The following KIF15 variants were observed in gnomAD, a reference collection of about 807,000 sequenced individuals.
KIF15 encodes the protein kinesin family member 15.
A neutral mutation model predicts 190.6 loss-of-function variants in KIF15; 140 were observed. The observed-to-expected ratio is 0.73, with a 90% CI of 0.64 to 0.84. The LOEUF (loss-of-function observed/expected upper bound fraction) is 0.84. KIF15 is among the 40% of genes least tolerant of loss of function. The pLI, the probability that KIF15 is intolerant of heterozygous loss-of-function variation, is 0.00. For missense variants in KIF15, 1,372 were observed against 1,584.4 expected (o/e 0.87, Z 2.28); for synonymous variants, 528 against 551.3 (o/e 0.96, Z 0.59).
chr3:44,799,253 AG>A (rs577900503), intron 10 of KIF15: 14 of 456,712 alleles, frequency 3.1e-5, no homozygotes, highest in South Asian at 1.4e-4. Context: ...AACACACAAA[AG>A]AACAAAACCA....
Position 44,840,511 on chromosome 3 carries a change from A to G in KIF15, c.3420+55A>G. On this transcript the variant is annotated intron_variant, in intron 28 of 34. Transcript: ENST00000326047. ...GGAAGAAACAGTTTTGTAAATGATAAAAATTTGGAAATTAGGAAGAACATA... is the reference window on the plus strand; with the variant it reads ...GGAAGAAACAGTTTTGTAAATGATAGAAATTTGGAAATTAGGAAGAACATA... 2.4e-6 allele frequency: 3 copies of G among 1,272,360 alleles called. No homozygotes were observed. In the South Asian group the frequency reaches 3.9e-5, roughly 17 times the overall value. 78.8% of individuals were successfully genotyped at this position (1,272,360 alleles called of 1,614,324 possible).
chr3:44,845,255 G>C (rs1435345751), intron 30 of KIF15, among the ~76,000 whole-genome samples: 1 of 152,188 alleles, frequency 6.6e-6, no homozygotes, highest in Non-Finnish European at 1.5e-5. Flanking sequence ...AACTTTGGTG[G>C]TGGTCATGGA....
At chr3:44,790,200 C>T (rs942182390) in intron 7 of KIF15, among the ~76,000 whole-genome samples, 4 of 150,258 alleles carry the variant, frequency 2.7e-5, no homozygotes, top group Non-Finnish European at 4.4e-5. Context: ...TTTTTTGAGA[C>T]GGAGTCTCAC....
chr3:44,850,553 C>G (rs1699025107), intron 32 of KIF15, among the ~76,000 whole-genome samples: 1 of 152,184 alleles, frequency 6.6e-6, no homozygotes, highest in Admixed American at 6.5e-5. Flanking sequence ...GCAAGTGAAG[C>G]ACACTTCAGC....
At chr3:44,811,685 A>C (rs1254971659) in intron 17 of KIF15, among the ~76,000 whole-genome samples, 1 of 152,202 alleles carries the variant, frequency 6.6e-6, no homozygotes, top group African/African-American at 2.4e-5. Context: ...TATAGATCAA[A>C]TTTTAGACAG....
intron 7 of KIF15, among the ~76,000 whole-genome samples, chr3:44,794,006 G>A (rs1965379): frequency 0.6 from 90,339 of 151,278 alleles, 27,451 homozygotes; most frequent in East Asian, 0.88. Flanking sequence ...TCAGCCTCCC[G>A]AGTAGCTAGG....
intron 6 of KIF15, among the ~76,000 whole-genome samples, chr3:44,859,065 C>T (rs763599202): frequency 1.1e-4 from 16 of 151,756 alleles, no homozygotes; most frequent in Non-Finnish European, 1.8e-4. Context: ...GGGTCCCGCA[C>T]AGTTGGGACA....
chr3:44,821,583 G>A (rs528491349), intron 20 of KIF15, among the ~76,000 whole-genome samples: 80 of 151,650 alleles, frequency 5.3e-4, no homozygotes, highest in African/African-American at 1.8e-3. Context: ...GGGAAGAGGC[G>A]CTCCTCACTT....
At chr3:44,823,301 C>T (rs1216292428) in intron 20 of KIF15, among the ~76,000 whole-genome samples, 3 of 152,178 alleles carry the variant, frequency 2.0e-5, no homozygotes, top group Admixed American at 6.5e-5. Context: ...GCTGGAGGCT[C>T]ACTCCAGACC....
At chr3:44,819,897 A>T (rs1277755204) in intron 20 of KIF15, among the ~76,000 whole-genome samples, 1 of 152,046 alleles carries the variant, frequency 6.6e-6, no homozygotes, top group Non-Finnish European at 1.5e-5. Flanking sequence ...TTTGTAGGTC[A>T]CTCAGGACTT....
intron 6 of KIF15, chr3:44,861,845 T>C: frequency 5.7e-6 from 8 of 1,412,926 alleles, no homozygotes; most frequent in Non-Finnish European, 6.7e-6. Context: ...GAGCGTCGCG[T>C]CACGTGAGGC....
rs369781508 is a variant in KIF15 at position 44,778,146 on chromosome 3, T to A, written c.278T>A (p.Ile93Asn). The change falls in exon 4 of 35, where the codon ATT becomes AAT. Residue 93 changes from isoleucine to asparagine, a missense_variant. By Grantham distance (149) the Ile-to-Asn change is moderately radical. Transcript: ENST00000326047. ...GTATTCGCAACTGTGGCTAAAAGCA[T>A]TGTGGAGTCTTGCATGAGCGGTTAT... Reference protein sequence around the residue: ...ESVFATVAKSIVESCMSGYNG... With the variant: ...ESVFATVAKSNVESCMSGYNG... The A allele has an allele frequency of 1.2e-6, 2 of 1,613,930 alleles. No homozygotes were observed. The highest frequency in any genetic ancestry group is 8.5e-7 in the Non-Finnish European group (1 of 1,179,866).
chr3:44,809,934 G>T (rs969239090), intron 16 of KIF15, among the ~76,000 whole-genome samples: 2 of 152,092 alleles, frequency 1.3e-5, no homozygotes, highest in South Asian at 4.1e-4. Context: ...AGGCATGGTG[G>T]TGTGTGCCTG....
intron 24 of KIF15, among the ~76,000 whole-genome samples, chr3:44,829,365 T>C (rs962119806): frequency 1.5e-5 from 2 of 134,300 alleles, no homozygotes; most frequent in Non-Finnish European, 1.6e-5. Flanking sequence ...TCAAAAAATA[T>C]ATATATATAT....
At chr3:44,853,571 G>A (rs1394615021), downstream of KIF15, among the ~76,000 whole-genome samples, 1 of 152,234 alleles carries the variant, frequency 6.6e-6, no homozygotes, top group African/African-American at 2.4e-5. Flanking sequence ...ATGCCTAGGA[G>A]TAGAATTACT....
intron 20 of KIF15, among the ~76,000 whole-genome samples, chr3:44,818,051 A>T (rs1482495321): frequency 6.6e-6 from 1 of 152,134 alleles, no homozygotes; most frequent in Non-Finnish European, 1.5e-5. Context: ...TTTGTCTGTT[A>T]TTGGTACATA....
intron 1 of KIF15, among the ~76,000 whole-genome samples, chr3:44,769,140 G>C (rs1485643850): frequency 1.3e-5 from 2 of 152,216 alleles, no homozygotes; most frequent in African/African-American, 2.4e-5. Flanking sequence ...ATGGATCCAA[G>C]GGGAGTGTGC....
intron 1 of KIF15, among the ~76,000 whole-genome samples, chr3:44,770,166 G>A (rs901349756): frequency 6.6e-6 from 1 of 152,178 alleles, no homozygotes; most frequent in African/African-American, 2.4e-5. Flanking sequence ...ATGATGATAA[G>A]TTTTTAAACA....
At chr3:44,834,236 G>C (rs1190756590) in intron 26 of KIF15, among the ~76,000 whole-genome samples, 1 of 152,082 alleles carries the variant, frequency 6.6e-6, no homozygotes, top group Non-Finnish European at 1.5e-5. Flanking sequence ...GAATTGTTCA[G>C]TATATTCAAA....
Sources: gnomAD v4.1 joint callset for allele counts (sites outside exome capture counted in the v4.1 genomes callset) on GRCh38, gnomAD v4.1.1 for gene constraint, MANE v1.5 for transcripts, NCBI Gene and HGNC (gene_info 2026-07-23, HGNC 2026-07-21) for gene names.